PRELID2: variants seen among roughly 807,000 people sequenced by gnomAD.
PRELID2 encodes PRELI domain containing 2.
A neutral mutation model predicts 28.4 loss-of-function variants in PRELID2; 25 were observed. That is an observed-to-expected ratio of 0.88 (90% CI 0.64 to 1.23). PRELID2 has a LOEUF of 1.23. Ranked by LOEUF, PRELID2 falls within the 50% of genes most tolerant of loss-of-function variation. PRELID2 has a pLI of 0.00. For missense variants in PRELID2, 201 were observed against 214.4 expected (o/e 0.94, Z 0.39); for synonymous variants, 76 against 71.6 (o/e 1.06, Z -0.31).
chr5:145,693,690 C>A (rs1755196425), intron 1 of PRELID2, among the ~76,000 whole-genome samples: 2 of 152,148 alleles, frequency 1.3e-5, no homozygotes. Context: ...GAGAGAATGG[C>A]TTGAGCCCAA....
At chr5:145,369,277 C>T in the PRELID2 span, among the ~76,000 whole-genome samples, 5 of 151,968 alleles carry the variant, frequency 3.3e-5, no homozygotes, top group African/African-American at 1.2e-4. Context: ...TTCCCTAGCC[C>T]CTCAACACCC....
chr5:145,363,606 CAGAGT>C, the PRELID2 span, among the ~76,000 whole-genome samples: 3 of 151,936 alleles, frequency 2.0e-5, no homozygotes, highest in Admixed American at 6.6e-5. Flanking sequence ...ACCATTAAAG[CAGAGT>C]AAAGAGAAAA....
At chr5:145,692,447 T>C (rs1289455186) in intron 1 of PRELID2, among the ~76,000 whole-genome samples, 1 of 152,104 alleles carries the variant, frequency 6.6e-6, no homozygotes, top group South Asian at 2.1e-4. Flanking sequence ...GCAAAGGGAA[T>C]ACTTGACCAG....
chr5:145,360,819 TATAATA>T, the PRELID2 span, among the ~76,000 whole-genome samples: 1 of 152,330 alleles, frequency 6.6e-6, no homozygotes, highest in East Asian at 1.9e-4. Flanking sequence ...ATGATACTAT[TATAATA>T]ATTTTGTTTC....
chr5:145,427,574 G>C, the PRELID2 span, among the ~76,000 whole-genome samples: 1 of 152,186 alleles, frequency 6.6e-6, no homozygotes, highest in Non-Finnish European at 1.5e-5. Context: ...TCAGGTGCCA[G>C]GAGGTATTTA....
chr5:145,294,271 TATAGA>T, the PRELID2 span, among the ~76,000 whole-genome samples: 5 of 152,290 alleles, frequency 3.3e-5, no homozygotes, highest in Middle Eastern at 3.4e-3. Context: ...GACTAACATC[TATAGA>T]ATAATCAGAA....
intron 1 of PRELID2, among the ~76,000 whole-genome samples, chr5:145,559,987 C>T (rs544376474): frequency 3.3e-5 from 5 of 152,236 alleles, no homozygotes; most frequent in South Asian, 4.1e-4. Flanking sequence ...ATACATTTAA[C>T]CTACCAAACA....
chr5:145,408,063 C>G, the PRELID2 span, among the ~76,000 whole-genome samples: 1 of 152,066 alleles, frequency 6.6e-6, no homozygotes, highest in Non-Finnish European at 1.5e-5. Context: ...TTACTGCTGT[C>G]TGGCTCTCAG....
intron 1 of PRELID2, among the ~76,000 whole-genome samples, chr5:145,490,778 C>A (rs1282937784): frequency 6.6e-6 from 1 of 152,074 alleles, no homozygotes; most frequent in Non-Finnish European, 1.5e-5. Context: ...TTTGAAAATT[C>A]AGTTTCTCTT....
At chr5:145,783,743 A>C (rs1751796273) in intron 5 of PRELID2, among the ~76,000 whole-genome samples, 1 of 152,212 alleles carries the variant, frequency 6.6e-6, no homozygotes, top group Non-Finnish European at 1.5e-5. Context: ...CAGGAAATGC[A>C]AGTCTCCGAT....
At chr5:145,587,851 A>G (rs1753175412) in intron 1 of PRELID2, among the ~76,000 whole-genome samples, 1 of 152,210 alleles carries the variant, frequency 6.6e-6, no homozygotes, top group Non-Finnish European at 1.5e-5. Context: ...CTTTGAAGAT[A>G]ACTTTTTTCA....
the PRELID2 span, among the ~76,000 whole-genome samples, chr5:145,372,048 A>G: frequency 6.6e-5 from 10 of 151,940 alleles, no homozygotes; most frequent in African/African-American, 9.7e-5. Context: ...TAGTGTGCCA[A>G]TTAGAGATCT....
At chr5:145,310,170 AG>A in the PRELID2 span, among the ~76,000 whole-genome samples, 1 of 152,210 alleles carries the variant, frequency 6.6e-6, no homozygotes, top group Non-Finnish European at 1.5e-5. Flanking sequence ...GAAGGGTATC[AG>A]GCACATATGG....
At chr5:145,359,495 G>A in the PRELID2 span, among the ~76,000 whole-genome samples, 1 of 152,190 alleles carries the variant, frequency 6.6e-6, no homozygotes, top group Admixed American at 6.5e-5. Flanking sequence ...AGTTTCCTTT[G>A]TTCTTCCACA....
At chr5:145,259,249 A>T in the PRELID2 span, among the ~76,000 whole-genome samples, 8 of 152,178 alleles carry the variant, frequency 5.3e-5, no homozygotes, top group African/African-American at 1.9e-4. Flanking sequence ...ATGGGATTTG[A>T]GCCCCTACAC....
chr5:145,751,678 T>G (rs1468117440), downstream of PRELID2, among the ~76,000 whole-genome samples: 1 of 152,216 alleles, frequency 6.6e-6, no homozygotes, highest in Non-Finnish European at 1.5e-5. Flanking sequence ...GAAAAATTAA[T>G]GCTCCAAAAG....
the PRELID2 span, among the ~76,000 whole-genome samples, chr5:145,339,294 A>G: frequency 6.6e-6 from 1 of 152,332 alleles, no homozygotes; most frequent in African/African-American, 2.4e-5. Context: ...AAAGAAAGAG[A>G]AGTGAGGCAG....
the PRELID2 span, among the ~76,000 whole-genome samples, chr5:145,255,633 T>A: frequency 6.6e-6 from 1 of 151,206 alleles, no homozygotes; most frequent in Non-Finnish European, 1.5e-5. Context: ...AAAAAGAAAC[T>A]GGCAAGGCAT....
At position 145,756,703 on chromosome 5, in the gene PRELID2, T is replaced by C. The variant is rs1296092579; in HGVS notation, c.*3833A>G. 6.6e-6 allele frequency among the ~76,000 whole-genome samples: 1 copy of C among 152,182 alleles called. No homozygotes were observed. The highest frequency in any genetic ancestry group is 1.5e-5 in the Non-Finnish European group (1 of 68,022). ...ATGTCACCAAGTCAATGTAGCAAAG[T>C]ACATTCATTTTTATTGCTAGAACAG... On this transcript the variant is annotated 3_prime_UTR_variant, in exon 7 of 7. Coordinates refer to ENST00000683046, the MANE Select transcript of PRELID2 (RefSeq NM_205846.3).
Sources: allele counts gnomAD v4.1 joint callset (sites outside exome capture counted in the v4.1 genomes callset), GRCh38; gene constraint gnomAD v4.1.1; transcripts MANE v1.5; gene names NCBI Gene and HGNC (gene_info 2026-07-23, HGNC 2026-07-21).